ERBIN: variants seen among roughly 807,000 people sequenced by gnomAD.
ERBIN encodes the protein densin-180-like protein.
ERBIN carries 60 observed loss-of-function variants against 158.4 expected under a neutral mutation model. The ratio of observed to expected loss-of-function variants is 0.38; its 90% CI spans 0.31 to 0.47. ERBIN has a LOEUF of 0.47. Ranked by LOEUF, ERBIN falls within the 20% of genes least tolerant of loss-of-function variation. The pLI is 0.99. For synonymous variants in ERBIN, 594 were observed against 557.2 expected (o/e 1.07, Z -0.93); for missense variants, 1,610 against 1,648.0 (o/e 0.98, Z 0.40).
At chr5:66,011,048 C>G (rs1013454824) in intron 4 of ERBIN, among the ~76,000 whole-genome samples, 1 of 152,186 alleles carries the variant, frequency 6.6e-6, no homozygotes, top group African/African-American at 2.4e-5. Flanking sequence ...TGGAAAAGCA[C>G]TGGTCTAGGA....
At chr5:65,960,326 T>C (rs1361618711) in intron 1 of ERBIN, among the ~76,000 whole-genome samples, 2 of 152,300 alleles carry the variant, frequency 1.3e-5, no homozygotes, top group African/African-American at 4.8e-5. Flanking sequence ...AGTGATTGCT[T>C]GGTAGGGGCA....
chr5:65,958,239 A>G (rs1327320375), intron 1 of ERBIN, among the ~76,000 whole-genome samples: 15 of 152,080 alleles, frequency 9.9e-5, no homozygotes, highest in Non-Finnish European at 1.8e-4. Flanking sequence ...AGAGGCTGCA[A>G]TCTCGGCACT....
chr5:65,935,309 A>G (rs1743943643), intron 1 of ERBIN, among the ~76,000 whole-genome samples: 1 of 152,166 alleles, frequency 6.6e-6, no homozygotes, highest in South Asian at 2.1e-4. Flanking sequence ...GCATATTTCT[A>G]TAATGCAATT....
rs1052728775 is a variant in ERBIN, at chr5:66,082,314, T to C, written c.*3784T>C. The C allele has an allele frequency of 5.3e-5, 8 of 152,302 alleles. No homozygotes were observed. The highest frequency in any genetic ancestry group is 8.8e-5 in the Non-Finnish European group (6 of 68,018). The allele number at this position is 152,302 out of a possible 1,614,324, so 9.4% of individuals were successfully genotyped here. On this transcript the variant is annotated 3_prime_UTR_variant, in exon 26 of 26. Coordinates refer to ENST00000284037, the MANE Select transcript of ERBIN (RefSeq NM_001253697.2). ...CTCCTGAACCTTTCTATAGAATCTTTAGGAGAGAGGCTGACAAAAAGAATC... is the reference window on the plus strand; with the variant it reads ...CTCCTGAACCTTTCTATAGAATCTTCAGGAGAGAGGCTGACAAAAAGAATC...
intron 1 of ERBIN, among the ~76,000 whole-genome samples, chr5:65,948,136 C>T (rs919227385): frequency 6.7e-6 from 1 of 149,394 alleles, no homozygotes; most frequent in African/African-American, 2.4e-5. Flanking sequence ...CTGTCAAGAT[C>T]TTTTTCATGA....
intron 14 of ERBIN, among the ~76,000 whole-genome samples, chr5:66,032,946 T>G (rs1399397700): frequency 6.6e-6 from 1 of 152,138 alleles, no homozygotes; most frequent in African/African-American, 2.4e-5. Flanking sequence ...AGAAATATGT[T>G]TATGGGAAGA....
chr5:65,976,207 C>T (rs944063262), intron 1 of ERBIN, among the ~76,000 whole-genome samples: 1 of 152,192 alleles, frequency 6.6e-6, no homozygotes, highest in Non-Finnish European at 1.5e-5. Flanking sequence ...GGCACAGTGG[C>T]TTACACCTAT....
intron 15 of ERBIN, among the ~76,000 whole-genome samples, chr5:66,041,516 T>C (rs1199848510): frequency 6.6e-6 from 1 of 151,976 alleles, no homozygotes; most frequent in Admixed American, 6.6e-5. Flanking sequence ...CTAGAATGGA[T>C]AGAAAGGGAT....
intron 1 of ERBIN, among the ~76,000 whole-genome samples, chr5:65,929,807 A>T (rs1390770548): frequency 6.6e-6 from 1 of 151,882 alleles, no homozygotes; most frequent in African/African-American, 2.4e-5. Flanking sequence ...TGCCTAGCTA[A>T]TTTTTGTATT....
At chr5:65,940,504 C>G (rs1470109547) in intron 1 of ERBIN, among the ~76,000 whole-genome samples, 1 of 119,566 alleles carries the variant, frequency 8.4e-6, no homozygotes, top group Admixed American at 8.1e-5. Context: ...GCCGCCCCGT[C>G]TGGGAGGGAG....
At chr5:66,027,961 AATG>A (rs1756456176) in intron 13 of ERBIN, among the ~76,000 whole-genome samples, 1 of 152,106 alleles carries the variant, frequency 6.6e-6, no homozygotes, top group Non-Finnish European at 1.5e-5. Context: ...GACATTCCTT[AATG>A]TGTTCTTTTC....
At chr5:66,004,592 G>A (rs568013881) in intron 4 of ERBIN, among the ~76,000 whole-genome samples, 48 of 152,238 alleles carry the variant, frequency 3.2e-4, no homozygotes, top group African/African-American at 1.1e-3. Context: ...CAGTTTACAC[G>A]GGTTTTCGCC....
chr5:65,969,048 ATG>A (rs1460835055), intron 1 of ERBIN, among the ~76,000 whole-genome samples: 1 of 152,208 alleles, frequency 6.6e-6, no homozygotes, highest in Non-Finnish European at 1.5e-5. Context: ...ATATAAGTGA[ATG>A]AGAGTTAGTA....
intron 21 of ERBIN, among the ~76,000 whole-genome samples, chr5:66,057,479 A>G (rs1020945809): frequency 1.3e-5 from 2 of 152,156 alleles, no homozygotes; most frequent in African/African-American, 4.8e-5. Flanking sequence ...TGATGGTAAA[A>G]TAATTATTTT....
rs1234071046 is a variant in ERBIN, at chr5:65,992,925, T to A, written c.189+18T>A. 6.7e-7 allele frequency: 1 copy of A among 1,502,472 alleles called. No homozygotes were observed. The highest frequency in any genetic ancestry group is 8.9e-7 in the Non-Finnish European group (1 of 1,117,896). The allele number at this position is 1,502,472 out of a possible 1,614,324, so 93.1% of individuals were successfully genotyped here. A position where few individuals can be genotyped will look rare whatever the true frequency, so the allele number is the denominator to read the frequency against. The stretch of plus-strand genomic sequence containing the variant: ...TTCCAAAGGTATGCTAATACTTTCT[T>A]TCAAGAATTATCTTTGGTTATTTTT... On this transcript the variant is annotated intron_variant, in intron 3 of 25. Coordinates refer to ENST00000284037, the MANE Select transcript of ERBIN (RefSeq NM_001253697.2).
chr5:65,986,098 C>T (rs935383601), intron 1 of ERBIN, among the ~76,000 whole-genome samples: 2 of 152,070 alleles, frequency 1.3e-5, no homozygotes, highest in Admixed American at 1.3e-4. Flanking sequence ...TGCCCTCCTG[C>T]CCTTGATGAT....
intron 15 of ERBIN, among the ~76,000 whole-genome samples, chr5:66,042,647 TTCCATTATTTTTACA>T (rs1758025371): frequency 6.6e-6 from 1 of 152,114 alleles, no homozygotes; most frequent in Admixed American, 6.5e-5. Context: ...ACCTTAAAAT[TTCCATTATTTTTACA>T]TTTTGATATA....
chr5:66,060,095 A>G (rs1368508325), intron 21 of ERBIN, among the ~76,000 whole-genome samples: 1 of 152,220 alleles, frequency 6.6e-6, no homozygotes, highest in Non-Finnish European at 1.5e-5. Context: ...GTTGACTGGA[A>G]TAGTTTCAGA....
At chr5:65,939,369 AGAGGTTGCAGTGAGCC>A (rs1381410593) in intron 1 of ERBIN, among the ~76,000 whole-genome samples, 3 of 152,192 alleles carry the variant, frequency 2.0e-5, no homozygotes, top group South Asian at 4.2e-4. Flanking sequence ...CCCGGGGGGC[AGAGGTTGCAGTGAGCC>A]GAGGTTGCGC....
Sources: allele counts gnomAD v4.1 joint callset (sites outside exome capture counted in the v4.1 genomes callset), GRCh38; gene constraint gnomAD v4.1.1; transcripts MANE v1.5; gene names NCBI Gene and HGNC (gene_info 2026-07-23, HGNC 2026-07-21).